IGSF5: variants seen among roughly 807,000 people sequenced by gnomAD.
The protein encoded by IGSF5 is immunoglobulin superfamily member 5.
Under a neutral mutation model 39.4 loss-of-function variants are expected in IGSF5, and 41 were observed. The ratio of observed to expected loss-of-function variants is 1.04; its 90% CI spans 0.81 to 1.35. The LOEUF is 1.35. IGSF5 is among the 40% of genes most tolerant of loss of function. IGSF5 has a pLI of 0.00. For missense variants in IGSF5, 487 were observed against 494.6 expected (o/e 0.98, Z 0.15); for synonymous variants, 183 against 175.3 (o/e 1.04, Z -0.34).
At chr21:39,796,008 C>T (rs2086993946) in intron 8 of IGSF5, among the ~76,000 whole-genome samples, 1 of 152,092 alleles carries the variant, frequency 6.6e-6, no homozygotes, top group South Asian at 2.1e-4. Flanking sequence ...TGATTATGAC[C>T]AAAGAAGGAC....
chr21:39,725,404 A>C, the IGSF5 span, among the ~76,000 whole-genome samples: 1 of 152,242 alleles, frequency 6.6e-6, no homozygotes, highest in Non-Finnish European at 1.5e-5. Context: ...TGTGAAGTCA[A>C]GCCCATTTTT....
At chr21:39,742,616 G>T (rs1430341896), upstream of IGSF5, among the ~76,000 whole-genome samples, 1 of 152,194 alleles carries the variant, frequency 6.6e-6, no homozygotes, top group Non-Finnish European at 1.5e-5. Context: ...GACATAAGGG[G>T]CATGGACAAG....
the IGSF5 span, chr21:39,730,525 C>A: frequency 6.6e-6 from 1 of 152,110 alleles, no homozygotes; most frequent in African/African-American, 2.4e-5. Context: ...TAATTCTCAT[C>A]CTCAGAAGCA....
intron 2 of IGSF5, among the ~76,000 whole-genome samples, chr21:39,761,105 A>G (rs1340872188): frequency 6.6e-6 from 1 of 152,128 alleles, no homozygotes; most frequent in East Asian, 1.9e-4. Flanking sequence ...AAACCCATAC[A>G]CCTACAACCA....
the IGSF5 span, among the ~76,000 whole-genome samples, chr21:39,722,764 C>T: frequency 9.9e-5 from 15 of 152,180 alleles, no homozygotes; most frequent in African/African-American, 2.7e-4. Flanking sequence ...CTTTCTACCA[C>T]CTTACATATA....
the IGSF5 span, among the ~76,000 whole-genome samples, chr21:39,719,951 G>A: frequency 6.6e-6 from 1 of 152,156 alleles, no homozygotes; most frequent in East Asian, 1.9e-4. Context: ...TCATGATTTA[G>A]CTTTTGATTA....
chr21:39,716,062 C>T, the IGSF5 span, among the ~76,000 whole-genome samples: 1 of 152,200 alleles, frequency 6.6e-6, no homozygotes, highest in Non-Finnish European at 1.5e-5. Context: ...TGTGGGGGCT[C>T]CCATGCACTC....
intron 5 of IGSF5, among the ~76,000 whole-genome samples, chr21:39,787,554 T>TG (rs1288930449): frequency 2.9e-5 from 4 of 138,512 alleles, no homozygotes; most frequent in African/African-American, 1.0e-4. Flanking sequence ...ATGACAGTGT[T>TG]TTTTTTTTTT....
intron 8 of IGSF5, among the ~76,000 whole-genome samples, chr21:39,799,747 A>T (rs2087018370): frequency 6.6e-6 from 1 of 152,220 alleles, no homozygotes; most frequent in African/African-American, 2.4e-5. Flanking sequence ...TCCACCTGGC[A>T]TCCTACCAGG....
intron 5 of IGSF5, among the ~76,000 whole-genome samples, chr21:39,787,757 C>T (rs2086932095): frequency 6.6e-6 from 1 of 151,970 alleles, no homozygotes; most frequent in Non-Finnish European, 1.5e-5. Flanking sequence ...TTGCACAGAG[C>T]CCGTTTGGTG....
At chr21:39,778,357 G>A (rs145634869) in intron 4 of IGSF5, among the ~76,000 whole-genome samples, 43 of 152,238 alleles carry the variant, frequency 2.8e-4, no homozygotes, top group African/African-American at 1.0e-3. Flanking sequence ...AAGACATGGT[G>A]GAAAAGAATC....
intron 4 of IGSF5, among the ~76,000 whole-genome samples, chr21:39,777,554 G>A (rs2080147314): frequency 6.6e-6 from 1 of 152,078 alleles, no homozygotes; most frequent in African/African-American, 2.4e-5. Context: ...TGGGAAGGGT[G>A]TAATCTGTTC....
chr21:39,800,773 GGTTT>G (rs2087024319), intron 8 of IGSF5, among the ~76,000 whole-genome samples: 1 of 152,180 alleles, frequency 6.6e-6, no homozygotes, highest in Admixed American at 6.5e-5. Flanking sequence ...AGGATTAAAT[GGTTT>G]GTTTGGGATT....
chr21:39,780,152 G>A (rs544442867), intron 5 of IGSF5, among the ~76,000 whole-genome samples: 7 of 151,824 alleles, frequency 4.6e-5, no homozygotes, highest in African/African-American at 1.5e-4. Flanking sequence ...ATATCACAGC[G>A]TACACTGTAA....
chr21:39,764,826 G>T (rs1456648735), intron 2 of IGSF5, among the ~76,000 whole-genome samples: 1 of 152,238 alleles, frequency 6.6e-6, no homozygotes, highest in Non-Finnish European at 1.5e-5. Context: ...ACGGTATGTG[G>T]TCTGCCAGGG....
chr21:39,778,972 C>T, intron 4 of IGSF5, 118 bp from the exon 5 acceptor site: 1 of 1,235,016 alleles, frequency 8.1e-7, no homozygotes, highest in Admixed American at 2.3e-5. Context: ...TGACGCCTAG[C>T]CATAGCAGGC....
chr21:39,749,495 G>A (rs779765760), intron 2 of IGSF5, among the ~76,000 whole-genome samples: 1 of 152,260 alleles, frequency 6.6e-6, no homozygotes, highest in African/African-American at 2.4e-5. Context: ...TTACAGGCAT[G>A]AGCCACCGTG....
At chr21:39,795,499 G>A (rs963561006) in intron 8 of IGSF5, among the ~76,000 whole-genome samples, 2 of 151,486 alleles carry the variant, frequency 1.3e-5, no homozygotes, top group Non-Finnish European at 2.9e-5. Context: ...AAGCTGGGAG[G>A]AGATTCAGAA....
At chr21:39,749,009 T>C (rs2253752) in intron 2 of IGSF5, among the ~76,000 whole-genome samples, 109,278 of 151,658 alleles carry the variant, frequency 0.72, 41,575 homozygotes, top group Non-Finnish European at 0.84. Context: ...CAGGCGCCTG[T>C]GGAAGAAACA....
Sources: gnomAD v4.1 joint callset for allele counts (sites outside exome capture counted in the v4.1 genomes callset) on GRCh38, gnomAD v4.1.1 for gene constraint, MANE v1.5 for transcripts, NCBI Gene and HGNC (gene_info 2026-07-23, HGNC 2026-07-21) for gene names.